FRMD4A: variants seen among roughly 807,000 people sequenced by gnomAD.
The protein encoded by FRMD4A is FERM domain containing 4A.
Under a neutral mutation model 129.1 loss-of-function variants are expected in FRMD4A, and 29 were observed. The ratio of observed to expected loss-of-function variants is 0.22; its 90% CI spans 0.17 to 0.31. The LOEUF (loss-of-function observed/expected upper bound fraction) is 0.31, where lower values mean the gene tolerates loss of function less well. FRMD4A is among the 10% of genes least tolerant of loss of function. FRMD4A has a pLI of 1.00. For missense variants in FRMD4A, 1,272 were observed against 1,375.8 expected (o/e 0.92, Z 1.19); for synonymous variants, 634 against 571.6 (o/e 1.11, Z -1.56).
At chr10:13,788,516 T>G (rs1216489563) in intron 5 of FRMD4A, among the ~76,000 whole-genome samples, 1 of 152,180 alleles carries the variant, frequency 6.6e-6, no homozygotes, top group East Asian at 1.9e-4. Flanking sequence ...ATGTCTGTCC[T>G]CTCCTCATCT....
intron 2 of FRMD4A, among the ~76,000 whole-genome samples, chr10:13,939,394 AG>A (rs1184566897): frequency 6.6e-6 from 1 of 152,188 alleles, no homozygotes; most frequent in East Asian, 1.9e-4. Context: ...CTAATTTTTC[AG>A]GAAGCATTTT....
chr10:13,869,860 A>G (rs2094419713), intron 2 of FRMD4A, among the ~76,000 whole-genome samples: 1 of 152,202 alleles, frequency 6.6e-6, no homozygotes, highest in Non-Finnish European at 1.5e-5. Flanking sequence ...AGATTTATTC[A>G]CAAGCCCTCA....
At chr10:13,652,032 T>TGACA (rs1564512122) in intron 23 of FRMD4A, 58 bp from the exon 24 acceptor site, 8 of 902,180 alleles carry the variant, frequency 8.9e-6, no homozygotes, top group Non-Finnish European at 1.3e-5. Context: ...AGAGAGACAC[T>TGACA]GACACAGACA....
intron 2 of FRMD4A, among the ~76,000 whole-genome samples, chr10:13,992,694 C>G (rs1190783970): frequency 6.6e-6 from 1 of 152,040 alleles, no homozygotes; most frequent in Non-Finnish European, 1.5e-5. Flanking sequence ...TGGCTCGCAC[C>G]TGTAATCCCA....
At chr10:14,278,933 G>A (rs564966014) in intron 2 of FRMD4A, among the ~76,000 whole-genome samples, 119 of 152,310 alleles carry the variant, frequency 7.8e-4, no homozygotes, top group African/African-American at 2.7e-3. Context: ...ACAGCGGCAC[G>A]GTTGTAACTG....
chr10:14,194,519 G>A (rs2131928362), intron 2 of FRMD4A, among the ~76,000 whole-genome samples: 1 of 152,320 alleles, frequency 6.6e-6, no homozygotes, highest in African/African-American at 2.4e-5. Flanking sequence ...GCTGAGGCAG[G>A]AGAATGGCGG....
intron 6 of FRMD4A, among the ~76,000 whole-genome samples, chr10:13,771,277 A>G (rs924955173): frequency 6.6e-6 from 1 of 151,922 alleles, no homozygotes; most frequent in African/African-American, 2.4e-5. Context: ...GGGTCTTGCT[A>G]TGTTGCCCAG....
chr10:14,144,571 A>C (rs993926114), intron 2 of FRMD4A, among the ~76,000 whole-genome samples: 7 of 152,132 alleles, frequency 4.6e-5, no homozygotes, highest in African/African-American at 1.7e-4. Flanking sequence ...GTGTCTTAGC[A>C]GCCCTTTTCT....
intron 2 of FRMD4A, among the ~76,000 whole-genome samples, chr10:14,245,608 A>G (rs936821858): frequency 1.3e-5 from 2 of 152,120 alleles, no homozygotes; most frequent in Non-Finnish European, 2.9e-5. Context: ...GAGGTAATTA[A>G]GTTAAAGGAG....
chr10:14,296,459 T>C, intron 2 of FRMD4A, among the ~76,000 whole-genome samples: 1 of 152,166 alleles, frequency 6.6e-6, no homozygotes, highest in East Asian at 1.9e-4. Flanking sequence ...GTGGTCATGT[T>C]TCTGACCCCC....
chr10:14,288,548 T>G (rs1845754656), intron 2 of FRMD4A, among the ~76,000 whole-genome samples: 1 of 152,178 alleles, frequency 6.6e-6, no homozygotes, highest in South Asian at 2.1e-4. Context: ...TCTTGCCAGA[T>G]TTTAGGCAAG....
chr10:14,021,617 G>C (rs968610252), intron 2 of FRMD4A, among the ~76,000 whole-genome samples: 5 of 152,094 alleles, frequency 3.3e-5, no homozygotes, highest in East Asian at 1.9e-4. Flanking sequence ...GGAGGGTTCT[G>C]TTTCCCTCTG....
chr10:13,648,953 G>A (rs747957218), intron 24 of FRMD4A, among the ~76,000 whole-genome samples: 1 of 152,048 alleles, frequency 6.6e-6, no homozygotes, highest in Non-Finnish European at 1.5e-5. Flanking sequence ...AAATAAATTT[G>A]AGGATTCTGC....
chr10:13,679,474 T>TATACACACAC lies in FRMD4A; in HGVS notation c.1118-4431_1118-4430insGTGTGTGTAT, dbSNP rs1308155926. Among the ~76,000 whole-genome samples the TATACACACAC allele has an allele frequency of 1.2e-3, 37 of 31,490 alleles. 1 individual carries two copies. Among genetic ancestry groups the TATACACACAC allele is most frequent in the African/African-American group, 4.0e-3 (30 of 7,454 alleles). The allele number at this position is 31,490 out of a possible 152,430, so 20.7% of individuals were successfully genotyped here. Reference sequence around the variant, plus strand: ...AAAAAAAAAAAAATATATATATATATACACACACACACACACACACACACA... The same window carrying TATACACACAC: ...AAAAAAAAAAAAATATATATATATATATACACACACACACACACACACACACACACACACA... On this transcript the variant is annotated intron_variant, in intron 15 of 24. Transcript: ENST00000357447.
At chr10:13,811,490 T>G (rs1183809731) in intron 3 of FRMD4A, among the ~76,000 whole-genome samples, 1 of 149,788 alleles carries the variant, frequency 6.7e-6, no homozygotes, top group African/African-American at 2.5e-5. Flanking sequence ...GAGAATCGCT[T>G]GAAACTGCAA....
At position 14,205,498 on chromosome 10, in the gene FRMD4A, G is replaced by T. The variant is rs533341945; in HGVS notation, c.45+124560C>A. 7.2e-5 allele frequency among the ~76,000 whole-genome samples: 11 copies of T among 152,118 alleles called. No individual in the cohort carries two copies. In the East Asian group the frequency reaches 1.7e-3, roughly 24 times the overall value. On this transcript the variant is annotated intron_variant, in intron 2 of 24. Transcript: ENST00000357447. The stretch of plus-strand genomic sequence containing the variant: ...GGACTAAGAAACCAGGATTCCCTGG[G>T]GTGACTCAGGTTATGTAGAAATTAT...
At chr10:13,652,410 G>A (rs897438974) in intron 23 of FRMD4A, 16 of 182,942 alleles carry the variant, frequency 8.7e-5, no homozygotes, top group Non-Finnish European at 1.5e-4. Flanking sequence ...TGGATCAGGT[G>A]AGACTGGGCA....
chr10:14,266,854 T>C (rs1181942312), intron 2 of FRMD4A, among the ~76,000 whole-genome samples: 1 of 152,174 alleles, frequency 6.6e-6, no homozygotes, highest in Non-Finnish European at 1.5e-5. Context: ...TAGATGTATA[T>C]AAAAATACAT....
chr10:14,185,661 TGTGCAGATGAGCA>T (rs1842101821), intron 2 of FRMD4A, among the ~76,000 whole-genome samples: 1 of 152,132 alleles, frequency 6.6e-6, no homozygotes, highest in Non-Finnish European at 1.5e-5. Context: ...GGTTGTTAGC[TGTGCAGATGAGCA>T]GAAGAGAGGA....
Sources: allele counts gnomAD v4.1 joint callset (sites outside exome capture counted in the v4.1 genomes callset), GRCh38; gene constraint gnomAD v4.1.1; transcripts MANE v1.5; gene names NCBI Gene and HGNC (gene_info 2026-07-23, HGNC 2026-07-21).